TMEM178B: variants seen among roughly 807,000 people sequenced by gnomAD.
TMEM178B encodes the protein transmembrane protein 178B.
Under a neutral mutation model 31.0 loss-of-function variants are expected in TMEM178B, and 5 were observed. The ratio of observed to expected loss-of-function variants is 0.16; its 90% CI spans 0.08 to 0.34. The LOEUF (loss-of-function observed/expected upper bound fraction) is 0.34, where lower values mean the gene tolerates loss of function less well. Ranked by LOEUF, TMEM178B falls within the 10% of genes least tolerant of loss-of-function variation. TMEM178B has a pLI of 1.00. For missense variants in TMEM178B, 275 were observed against 400.3 expected, an observed-to-expected ratio of 0.69 and a Z score of 2.67; for synonymous variants, 164 against 164.0, an observed-to-expected ratio of 1.00 and a Z score of 0.00.
At chr7:141,510,685 CAAAAAAAAAAAAAA>C in the TMEM178B span, among the ~76,000 whole-genome samples, 1 of 24,956 alleles carries the variant, frequency 4.0e-5, no homozygotes, top group Non-Finnish European at 6.7e-5. Flanking sequence ...AACTCCGTCT[CAAAAAAAAAAAAAA>C]AAAAAAAAAA....
intron 2 of TMEM178B, among the ~76,000 whole-genome samples, chr7:141,337,742 T>C (rs1293503150): frequency 6.6e-6 from 1 of 152,228 alleles, no homozygotes; most frequent in Admixed American, 6.5e-5. Flanking sequence ...ATTTTGACAG[T>C]GAGGCCCATG....
In TMEM178B at chr7:141,171,044, A is replaced by T. The variant is rs1796341584; in HGVS notation, c.383-41547A>T. On this transcript the variant is annotated intron_variant, in intron 1 of 3. Transcript: ENST00000565468. The surrounding 1 kb of genome is among the most constrained non-coding windows in gnomAD (Gnocchi z 4.3). Reference sequence around the variant, plus strand: ...CACACACACACACACACACACACACACACACACACACACACACACACCCTA... The same window carrying T: ...CACACACACACACACACACACACACTCACACACACACACACACACACCCTA... Among the ~76,000 whole-genome samples the T allele has an allele frequency of 6.6e-6, 1 of 151,264 alleles. No individual in the cohort carries two copies.
At chr7:141,088,230 G>A (rs1179007842) in intron 1 of TMEM178B, among the ~76,000 whole-genome samples, 2 of 152,036 alleles carry the variant, frequency 1.3e-5, no homozygotes, top group African/African-American at 2.4e-5. Flanking sequence ...CTTGGCCCTT[G>A]TTCTTTTTAG....
At chr7:141,438,803 C>A (rs1225302566) in intron 3 of TMEM178B, among the ~76,000 whole-genome samples, 1 of 143,732 alleles carries the variant, frequency 7.0e-6, no homozygotes, top group African/African-American at 2.6e-5. Flanking sequence ...TTGAACCTGG[C>A]AGGCAGAGGT....
At chr7:141,464,132 A>G (rs1040083426) in intron 3 of TMEM178B, among the ~76,000 whole-genome samples, 1 of 152,088 alleles carries the variant, frequency 6.6e-6, no homozygotes, top group Non-Finnish European at 1.5e-5. Flanking sequence ...ATGCCGTCTT[A>G]CCGCAGGCAC....
intron 2 of TMEM178B, among the ~76,000 whole-genome samples, chr7:141,308,644 C>T (rs1461090112): frequency 6.6e-6 from 1 of 152,134 alleles, no homozygotes; most frequent in African/African-American, 2.4e-5. Flanking sequence ...GGTTCAGGGC[C>T]TGAAATCCCA....
intron 2 of TMEM178B, among the ~76,000 whole-genome samples, chr7:141,245,001 G>A (rs1194333475): frequency 6.6e-6 from 1 of 151,254 alleles, no homozygotes; most frequent in Non-Finnish European, 1.5e-5. Context: ...AGCAGGCATG[G>A]TGGCGTGTGC....
chr7:141,109,945 GCTCT>G (rs963214570), intron 1 of TMEM178B, among the ~76,000 whole-genome samples: 1 of 150,828 alleles, frequency 6.6e-6, no homozygotes, highest in South Asian at 2.1e-4. Context: ...TGTCTCTGTC[GCTCT>G]CTCTCTCTCT....
intron 2 of TMEM178B, among the ~76,000 whole-genome samples, chr7:141,289,695 AC>A (rs1798509769): frequency 6.7e-6 from 1 of 148,776 alleles, no homozygotes; most frequent in Non-Finnish European, 1.5e-5. Context: ...AGCATGGGTG[AC>A]AGAGAGAGAC....
chr7:141,418,777 T>A (rs889307995), intron 2 of TMEM178B, among the ~76,000 whole-genome samples: 2 of 152,190 alleles, frequency 1.3e-5, no homozygotes, highest in African/African-American at 4.8e-5. Context: ...TAATAATTGC[T>A]CCCCTATGTG....
At chr7:141,262,998 A>G (rs867979400) in intron 2 of TMEM178B, among the ~76,000 whole-genome samples, 1 of 152,064 alleles carries the variant, frequency 6.6e-6, no homozygotes, top group Non-Finnish European at 1.5e-5. Context: ...TTCCACTGGT[A>G]TCCAAATGCT....
At chr7:141,245,044 GGAGAATTGCTTGAACCTGGGAGGCAA>G (rs1334608097) in intron 2 of TMEM178B, among the ~76,000 whole-genome samples, 20 of 151,400 alleles carry the variant, frequency 1.3e-4, no homozygotes, top group South Asian at 8.4e-4. Flanking sequence ...GGGTGAGGCA[GGAGAATTGCTTGAACCTGGGAGGCAA>G]GAGAATTGCT....
chr7:141,336,061 G>A (rs1208689465), intron 2 of TMEM178B, among the ~76,000 whole-genome samples: 1 of 152,172 alleles, frequency 6.6e-6, no homozygotes, highest in African/African-American at 2.4e-5. Context: ...CTTTTCAACT[G>A]AGAAAGAGTA....
chr7:141,209,370 A>G (rs903660288), intron 1 of TMEM178B, among the ~76,000 whole-genome samples: 3 of 152,230 alleles, frequency 2.0e-5, no homozygotes, highest in African/African-American at 7.2e-5. Context: ...GGTATTTGCT[A>G]TAGACTCACA....
Position 141,326,034 on chromosome 7 carries a change from T to G in TMEM178B, c.497-111574T>G, listed in dbSNP as rs553058873. Among the ~76,000 whole-genome samples the G allele has an allele frequency of 6.5e-4, 99 of 152,370 alleles. 1 individual carries two copies. In the South Asian group the frequency reaches 0.02, roughly 30 times the overall value. The stretch of plus-strand genomic sequence containing the variant: ...GTAGTCAGAAAGTTTATAGAATTCC[T>G]GAAGTACAGTTGTGAATAACCCTAT... On this transcript the variant is annotated intron_variant, in intron 2 of 3. Transcript: ENST00000565468.
chr7:141,192,607 G>C (rs1185217890), intron 1 of TMEM178B, among the ~76,000 whole-genome samples: 1 of 151,892 alleles, frequency 6.6e-6, no homozygotes, highest in Non-Finnish European at 1.5e-5. Context: ...TGCGACTACA[G>C]GCGCTTGCCA....
Position 141,256,052 on chromosome 7 carries a change from ATCCATCCC to A in TMEM178B, c.496+43364_496+43371del, listed in dbSNP as rs569334766. ...CTTCCATCTGTCTGTCCATCCTTCCATCCATCCCTCCATCCCTCCATCCATCCCTCCCT... is the reference window on the plus strand; with the variant it reads ...CTTCCATCTGTCTGTCCATCCTTCCATCCATCCCTCCATCCATCCCTCCCT... On this transcript the variant is annotated intron_variant, in intron 2 of 3. Transcript: ENST00000565468. Among the ~76,000 whole-genome samples, 534 of 152,026 alleles carry A rather than the reference ATCCATCCC, an allele frequency of 3.5e-3. 4 individuals are homozygous for A. Among genetic ancestry groups the A allele is most frequent in the African/African-American group, 0.012 (507 of 41,472 alleles).
chr7:141,311,067 A>C (rs1290841712), intron 2 of TMEM178B, among the ~76,000 whole-genome samples: 1 of 152,232 alleles, frequency 6.6e-6, no homozygotes, highest in Admixed American at 6.5e-5. Context: ...CAAACACTGC[A>C]TGTTCTCACT....
intron 2 of TMEM178B, among the ~76,000 whole-genome samples, chr7:141,285,515 T>A (rs548882676): frequency 6.6e-6 from 1 of 152,192 alleles, no homozygotes; most frequent in African/African-American, 2.4e-5. Flanking sequence ...ATATAGTACA[T>A]ATTGTAATGC....
Sources: allele counts gnomAD v4.1 joint callset (sites outside exome capture counted in the v4.1 genomes callset), GRCh38; gene constraint gnomAD v4.1.1; non-coding constraint Gnocchi (gnomAD v3.1); transcripts MANE v1.5; gene names NCBI Gene and HGNC (gene_info 2026-07-23, HGNC 2026-07-21).